DOCK4: variants seen among roughly 807,000 people sequenced by gnomAD.
DOCK4 encodes the protein dedicator of cytokinesis protein 4.
DOCK4 carries 97 observed loss-of-function variants against 268.1 expected under a neutral mutation model. The ratio of observed to expected loss-of-function variants is 0.36; its 90% CI spans 0.31 to 0.43. The LOEUF is 0.43. Among genes scored for constraint, DOCK4 ranks in the 20% least tolerant of loss-of-function variants. The pLI is 1.00. For synonymous variants in DOCK4, 954 were observed against 887.2 expected, an observed-to-expected ratio of 1.08 and a Z score of -1.34; for missense variants, 2,145 against 2,455.7, an observed-to-expected ratio of 0.87 and a Z score of 2.67.
chr7:112,021,732 A>G (rs965356347), intron 1 of DOCK4, among the ~76,000 whole-genome samples: 3 of 152,168 alleles, frequency 2.0e-5, no homozygotes, highest in African/African-American at 7.2e-5. Context: ...GTTCTAGTCT[A>G]ATATTTCCTC....
At chr7:111,995,411 CTT>C (rs1185670293) in intron 4 of DOCK4, among the ~76,000 whole-genome samples, 26 of 110,664 alleles carry the variant, frequency 2.3e-4, no homozygotes, top group Non-Finnish European at 3.0e-4. Flanking sequence ...CAAATTCTTT[CTT>C]TGTGTGTGTG....
At chr7:111,895,517 C>A (rs778213649) in intron 16 of DOCK4, 95 bp downstream of exon 16, 384 of 1,038,490 alleles carry the variant, frequency 3.7e-4, no homozygotes, top group Non-Finnish European at 5.2e-4. Flanking sequence ...ATATTCATTT[C>A]AGTCATTTTT....
chr7:111,891,282 A>G (rs1399168519), intron 16 of DOCK4, among the ~76,000 whole-genome samples: 1 of 152,206 alleles, frequency 6.6e-6, no homozygotes, highest in African/African-American at 2.4e-5. Context: ...ATTTAAGGAT[A>G]TCATTCCAAG....
intron 1 of DOCK4, among the ~76,000 whole-genome samples, chr7:112,100,758 G>A (rs1203181043): frequency 6.6e-6 from 1 of 152,044 alleles, no homozygotes; most frequent in African/African-American, 2.4e-5. Flanking sequence ...GAACATACTA[G>A]ACATTCAAGT....
At chr7:112,127,649 T>C (rs1813363153) in intron 1 of DOCK4, among the ~76,000 whole-genome samples, 1 of 152,074 alleles carries the variant, frequency 6.6e-6, no homozygotes, top group Non-Finnish European at 1.5e-5. Flanking sequence ...TAAATTTTTA[T>C]AGCAAAAAAA....
intron 1 of DOCK4, among the ~76,000 whole-genome samples, chr7:112,201,420 T>C (rs1221420483): frequency 6.6e-6 from 1 of 152,124 alleles, no homozygotes; most frequent in Non-Finnish European, 1.5e-5. Context: ...TCTTATAAGG[T>C]TCATGGATTT....
chr7:111,883,726 T>A (rs879282079), intron 16 of DOCK4, among the ~76,000 whole-genome samples: 1 of 152,132 alleles, frequency 6.6e-6, no homozygotes, highest in Non-Finnish European at 1.5e-5. Context: ...AAAGGTGATG[T>A]GGTCAGGTCA....
At chr7:112,148,733 T>C (rs1336490015) in intron 1 of DOCK4, among the ~76,000 whole-genome samples, 1 of 152,178 alleles carries the variant, frequency 6.6e-6, no homozygotes, top group Non-Finnish European at 1.5e-5. Context: ...ATTCTAGCGA[T>C]GGGCTTTTTG....
chr7:111,910,206 C>T (rs1791978528), intron 13 of DOCK4, among the ~76,000 whole-genome samples: 2 of 152,146 alleles, frequency 1.3e-5, no homozygotes, highest in African/African-American at 2.4e-5. Flanking sequence ...AAAAAATGGA[C>T]ATTTGGGGAG....
intron 30 of DOCK4, among the ~76,000 whole-genome samples, chr7:111,791,276 T>TACACACACACACACACACAC (rs147004808): frequency 0.036 from 4,830 of 134,622 alleles, 200 homozygotes; most frequent in African/African-American, 0.088. Flanking sequence ...ATTTAAAAAA[T>TACACACACACACACACACAC]ACACACACAC....
intron 12 of DOCK4, among the ~76,000 whole-genome samples, chr7:111,921,069 T>C (rs1793096225): frequency 6.6e-6 from 1 of 152,202 alleles, no homozygotes; most frequent in Admixed American, 6.5e-5. Flanking sequence ...TTAAGTCACT[T>C]TTCTTAGACC....
chr7:111,938,990 A>T (rs80168894), intron 11 of DOCK4, among the ~76,000 whole-genome samples: 2 of 146,050 alleles, frequency 1.4e-5, no homozygotes, highest in African/African-American at 2.5e-5. Context: ...AAAAAAAAAA[A>T]GTTGGGGGGG....
chr7:112,170,868 T>C (rs985563102), intron 1 of DOCK4, among the ~76,000 whole-genome samples: 7 of 152,168 alleles, frequency 4.6e-5, no homozygotes, highest in Non-Finnish European at 8.8e-5. Context: ...TAGTACCATA[T>C]ATGATAAAAA....
At chr7:111,765,656 T>G (rs1159944190) in intron 38 of DOCK4, among the ~76,000 whole-genome samples, 1 of 152,224 alleles carries the variant, frequency 6.6e-6, no homozygotes, top group Non-Finnish European at 1.5e-5. Flanking sequence ...CCAGATGTAC[T>G]TACCTGTGGG....
At chr7:112,179,224 C>G in intron 1 of DOCK4, among the ~76,000 whole-genome samples, 1 of 152,028 alleles carries the variant, frequency 6.6e-6, no homozygotes, top group East Asian at 1.9e-4. Context: ...CCTGTCTCTA[C>G]AAAAAATAAA....
intron 1 of DOCK4, among the ~76,000 whole-genome samples, chr7:112,023,334 G>A (rs1413352180): frequency 6.6e-6 from 1 of 152,192 alleles, no homozygotes; most frequent in African/African-American, 2.4e-5. Context: ...ATGTACCTGA[G>A]TTTGGTGCTG....
intron 8 of DOCK4, among the ~76,000 whole-genome samples, chr7:111,961,423 T>C (rs922611511): frequency 6.6e-6 from 1 of 152,210 alleles, no homozygotes; most frequent in African/African-American, 2.4e-5. Flanking sequence ...ACTCTTACCA[T>C]GCTTTCATAG....
chr7:111,815,562 T>C (rs905895812), intron 27 of DOCK4, among the ~76,000 whole-genome samples: 1 of 152,198 alleles, frequency 6.6e-6, no homozygotes, highest in African/African-American at 2.4e-5. Flanking sequence ...AGATTTTCAA[T>C]ATGCTACCAC....
intron 35 of DOCK4, among the ~76,000 whole-genome samples, chr7:111,781,112 T>C (rs1284041675): frequency 6.6e-6 from 1 of 152,182 alleles, no homozygotes; most frequent in East Asian, 1.9e-4. Flanking sequence ...ATTGTGGAAA[T>C]GAACATAAGG....
Sources: gnomAD v4.1 joint callset for allele counts (sites outside exome capture counted in the v4.1 genomes callset) on GRCh38, gnomAD v4.1.1 for gene constraint, MANE v1.5 for transcripts, NCBI Gene and HGNC (gene_info 2026-07-23, HGNC 2026-07-21) for gene names.